UBE2J1: variants seen among roughly 807,000 people sequenced by gnomAD.
UBE2J1 encodes the protein ubiquitin conjugating enzyme E2 J1.
A neutral mutation model predicts 42.1 loss-of-function variants in UBE2J1; 17 were observed. The observed-to-expected ratio is 0.40, with a 90% CI of 0.28 to 0.61. The LOEUF (loss-of-function observed/expected upper bound fraction) is 0.61, where lower values mean the gene tolerates loss of function less well. Among genes scored for constraint, UBE2J1 ranks in the 20% least tolerant of loss-of-function variants. The pLI, the probability that UBE2J1 is intolerant of heterozygous loss-of-function variation, is 0.38. For missense variants in UBE2J1, 291 were observed against 389.4 expected, an observed-to-expected ratio of 0.75 and a Z score of 2.13; for synonymous variants, 127 against 137.2, an observed-to-expected ratio of 0.93 and a Z score of 0.52.
chr6:89,338,160 C>A, intron 5 of UBE2J1, 45 bp downstream of exon 5: 1 of 1,429,856 alleles, frequency 7.0e-7, no homozygotes, highest in Non-Finnish European at 9.8e-7. Flanking sequence ...AGCCATTACC[C>A]TGAATACTAT....
At chr6:89,340,845 G>A (rs2127868613) in intron 3 of UBE2J1, among the ~76,000 whole-genome samples, 1 of 150,726 alleles carries the variant, frequency 6.6e-6, no homozygotes, top group East Asian at 1.9e-4. Flanking sequence ...GCGCAATCTC[G>A]GCTCACTGCA....
intron 1 of UBE2J1, 58 bp from the exon 2 acceptor site, chr6:89,343,814 A>C: frequency 7.3e-7 from 1 of 1,367,528 alleles, no homozygotes; most frequent in Non-Finnish European, 1.0e-6. Flanking sequence ...AATGATTAGC[A>C]CAGTCTTACG....
chr6:89,340,538 C>T (rs1238673725), intron 3 of UBE2J1, among the ~76,000 whole-genome samples: 1 of 152,170 alleles, frequency 6.6e-6, no homozygotes, highest in African/African-American at 2.4e-5. Context: ...TATTAAGCAG[C>T]TTCTATATGT....
chr6:89,330,233 C>T (rs971712162), intron 7 of UBE2J1, among the ~76,000 whole-genome samples: 1 of 152,078 alleles, frequency 6.6e-6, no homozygotes, highest in African/African-American at 2.4e-5. Context: ...GATATTTTAA[C>T]ACATACGCTT....
At chr6:89,340,965 C>T (rs1423015838) in intron 3 of UBE2J1, among the ~76,000 whole-genome samples, 2 of 151,588 alleles carry the variant, frequency 1.3e-5, no homozygotes, top group African/African-American at 2.4e-5. Flanking sequence ...TTAGTAGAGA[C>T]GGGGTTTCAC....
chr6:89,335,213 A>C (rs1033957014), intron 6 of UBE2J1, 89 bp downstream of exon 6: 27 of 1,221,422 alleles, frequency 2.2e-5, no homozygotes, highest in Non-Finnish European at 2.5e-5. Flanking sequence ...TCATATTGTA[A>C]TAGAACTGCA....
At chr6:89,350,007 G>A (rs1286703202) in intron 1 of UBE2J1, among the ~76,000 whole-genome samples, 1 of 152,190 alleles carries the variant, frequency 6.6e-6, no homozygotes, top group Non-Finnish European at 1.5e-5. Context: ...TAGACAAGTA[G>A]CATGATCCAT....
chr6:89,344,663 G>T (rs1443499806), intron 1 of UBE2J1, among the ~76,000 whole-genome samples: 1 of 152,164 alleles, frequency 6.6e-6, no homozygotes, highest in Non-Finnish European at 1.5e-5. Context: ...AACCTCTACT[G>T]GGATACAATG....
At chr6:89,338,640 A>T (rs1240300998) in intron 3 of UBE2J1, 97 bp from the exon 4 acceptor site, 16 of 222,364 alleles carry the variant, frequency 7.2e-5, no homozygotes, top group South Asian at 1.7e-4. Flanking sequence ...AATTTTAGAG[A>T]TTATCTTAAA....
intron 5 of UBE2J1, 51 bp downstream of exon 5, chr6:89,338,154 A>G (rs748531360): frequency 3.7e-6 from 5 of 1,346,476 alleles, no homozygotes; most frequent in Non-Finnish European, 5.2e-6. Flanking sequence ...CCTAATAGCC[A>G]TTACCCTGAA....
rs1159946582 is a variant in UBE2J1, at chr6:89,333,209, T to C, written c.559-4A>G. 1.2e-6 allele frequency: 2 copies of C among 1,606,884 alleles called. No individual in the cohort carries two copies. The highest frequency in any genetic ancestry group is 1.7e-6 in the Non-Finnish European group (2 of 1,177,244). On this transcript the variant is annotated splice_polypyrimidine_tract_variant and splice_region_variant and intron_variant, in intron 6 of 7. Transcript: ENST00000435041. ...TTCCAGATGAATTGACTTCTGCCTA[T>C]AAACAAGATAGACCCAAGAGCAGTG... is the stretch of plus-strand genomic sequence containing the variant.
intron 3 of UBE2J1, among the ~76,000 whole-genome samples, chr6:89,338,981 A>T (rs908989278): frequency 3.3e-5 from 5 of 151,992 alleles, no homozygotes; most frequent in Non-Finnish European, 7.4e-5. Context: ...ATTTTTTTTT[A>T]AATGTAACCT....
At chr6:89,334,534 C>T (rs1330443245) in intron 6 of UBE2J1, among the ~76,000 whole-genome samples, 2 of 149,650 alleles carry the variant, frequency 1.3e-5, no homozygotes, top group Non-Finnish European at 1.5e-5. Flanking sequence ...TGCAATGGCG[C>T]GATCTCGGCT....
At chr6:89,341,416 G>T (rs574993605) in intron 3 of UBE2J1, among the ~76,000 whole-genome samples, 11 of 152,208 alleles carry the variant, frequency 7.2e-5, no homozygotes, top group Non-Finnish European at 1.3e-4. Context: ...GAGAAGAAAA[G>T]CTTAACAATT....
At position 89,344,520 on chromosome 6, in the gene UBE2J1, TA is replaced by T. The variant is rs1276444145; in HGVS notation, c.32-765del. On this transcript the variant is annotated intron_variant, in intron 1 of 7. Transcript: ENST00000435041. ...GAGTCCCTCTTGTACACTCCCTTAA[TA>T]AAATCCAACTGTGCCTGACCCAACC... 5.3e-5 allele frequency among the ~76,000 whole-genome samples: 8 copies of T among 152,328 alleles called. No individual in the cohort carries two copies. The East Asian group carries it at 5.8e-4, about 11-fold the overall frequency.
chr6:89,350,128 C>A (rs1419071173), intron 1 of UBE2J1, among the ~76,000 whole-genome samples: 1 of 151,650 alleles, frequency 6.6e-6, no homozygotes, highest in African/African-American at 2.4e-5. Context: ...ATCACAAGTC[C>A]ATTCCAAAAA....
In UBE2J1 at chr6:89,343,894, T is replaced by C. The variant is rs185374148; in HGVS notation, c.32-138A>G. 2.0e-4 allele frequency: 115 copies of C among 581,412 alleles called. No individual in the cohort carries two copies. In the Admixed American group the frequency reaches 2.9e-3, roughly 14 times the overall value. The allele number at this position is 581,412 out of a possible 1,614,324, so 36.0% of individuals were successfully genotyped here. On this transcript the variant is annotated intron_variant, in intron 1 of 7. Transcript: ENST00000435041. Reference sequence around the variant, plus strand: ...TGGCAAAGGTTTAATTATAAGATTATGGGAATAAATAGAGGGGGAGAGGAA... The same window carrying C: ...TGGCAAAGGTTTAATTATAAGATTACGGGAATAAATAGAGGGGGAGAGGAA...
intron 2 of UBE2J1, among the ~76,000 whole-genome samples, chr6:89,343,445 A>G (rs1205057254): frequency 2.1e-5 from 3 of 145,874 alleles, no homozygotes; most frequent in African/African-American, 7.4e-5. Flanking sequence ...AAAAAAAAAA[A>G]AAAAAAAAAA....
intron 1 of UBE2J1, 124 bp downstream of exon 1, chr6:89,352,415 C>T: frequency 8.7e-7 from 1 of 1,144,208 alleles, no homozygotes; most frequent in Non-Finnish European, 1.2e-6. Context: ...GGCGGTCTCG[C>T]GTAGAGCGCG....
Sources: allele counts gnomAD v4.1 joint callset (sites outside exome capture counted in the v4.1 genomes callset), GRCh38; gene constraint gnomAD v4.1.1; transcripts MANE v1.5; gene names NCBI Gene and HGNC (gene_info 2026-07-23, HGNC 2026-07-21).